Variants in PCCA observed in about 807,000 individuals in gnomAD.
PCCA encodes the protein propionyl-CoA carboxylase subunit alpha.
PCCA carries 74 observed loss-of-function variants against 101.3 expected under a neutral mutation model. That is an observed-to-expected ratio of 0.73 (90% CI 0.61 to 0.89). The LOEUF is 0.89. Among genes scored for constraint, PCCA ranks in the 40% least tolerant of loss-of-function variants. The pLI is 0.00. For synonymous variants in PCCA, 294 were observed against 313.6 expected (o/e 0.94, Z 0.66); for missense variants, 891 against 907.0 (o/e 0.98, Z 0.23).
intron 2 of PCCA, among the ~76,000 whole-genome samples, chr13:100,103,766 G>C (rs1206058360): frequency 1.3e-5 from 2 of 151,942 alleles, no homozygotes; most frequent in Admixed American, 1.3e-4. Context: ...CTCCTGAGTA[G>C]CTGGGATTAC....
At chr13:100,373,302 G>A (rs1157594726) in intron 19 of PCCA, among the ~76,000 whole-genome samples, 2 of 152,148 alleles carry the variant, frequency 1.3e-5, no homozygotes, top group African/African-American at 4.8e-5. Context: ...GTGAGGGTGT[G>A]GAGAAGCTGG....
chr13:100,216,212 A>G (rs1167277183), intron 7 of PCCA, among the ~76,000 whole-genome samples: 3 of 152,104 alleles, frequency 2.0e-5, no homozygotes, highest in Non-Finnish European at 2.9e-5. Flanking sequence ...AGGACAAGTC[A>G]TGTTGCTATC....
At chr13:100,236,046 A>G (rs997596657) in intron 8 of PCCA, among the ~76,000 whole-genome samples, 168 bp downstream of exon 8, 5 of 152,220 alleles carry the variant, frequency 3.3e-5, no homozygotes, top group African/African-American at 1.2e-4. Flanking sequence ...AAATTCTATT[A>G]TTAAAGGAGA....
chr13:100,340,373 G>A (rs1419386724), intron 18 of PCCA, 114 bp downstream of exon 18: 1 of 717,568 alleles, frequency 1.4e-6, no homozygotes, highest in Admixed American at 2.0e-5. Flanking sequence ...GATCTTATGG[G>A]TCTTTGGAGA....
At chr13:100,507,444 G>A (rs1386494029) in intron 21 of PCCA, among the ~76,000 whole-genome samples, 1 of 152,096 alleles carries the variant, frequency 6.6e-6, no homozygotes, top group Non-Finnish European at 1.5e-5. Flanking sequence ...GGACTTCTCA[G>A]TGCCCTCCTG....
intron 20 of PCCA, among the ~76,000 whole-genome samples, chr13:100,436,610 C>G (rs898376034): frequency 6.6e-6 from 1 of 152,152 alleles, no homozygotes; most frequent in Non-Finnish European, 1.5e-5. Flanking sequence ...GCCTCCAGAC[C>G]CTATTCTCCT....
chr13:100,197,743 T>C (rs2058208967), intron 6 of PCCA, among the ~76,000 whole-genome samples: 1 of 152,166 alleles, frequency 6.6e-6, no homozygotes, highest in African/African-American at 2.4e-5. Flanking sequence ...TTAATGATTA[T>C]TGTTTAAAGT....
At chr13:100,192,642 G>C (rs942184021) in intron 6 of PCCA, among the ~76,000 whole-genome samples, 1 of 152,164 alleles carries the variant, frequency 6.6e-6, no homozygotes, top group African/African-American at 2.4e-5. Context: ...GGGAGGCAGA[G>C]GTTGCAGTGA....
intron 6 of PCCA, among the ~76,000 whole-genome samples, chr13:100,158,014 A>C (rs531151685): frequency 3.6e-4 from 55 of 152,238 alleles, no homozygotes; most frequent in Non-Finnish European, 7.1e-4. Context: ...ATGCATCATT[A>C]GGCGAGTTCA....
chr13:100,113,037 A>G (rs2048466799), intron 4 of PCCA, among the ~76,000 whole-genome samples: 1 of 152,202 alleles, frequency 6.6e-6, no homozygotes, highest in South Asian at 2.1e-4. Context: ...TGATAATGGG[A>G]CCCTTTGGTA....
chr13:100,530,194 C>G lies in PCCA; in HGVS notation c.*28C>G. The G allele has an allele frequency of 6.4e-7, 1 of 1,555,122 alleles. No individual in the cohort carries two copies. Among genetic ancestry groups the G allele is most frequent in the Non-Finnish European group, 8.9e-7 (1 of 1,126,476 alleles). ...GATTTATAACCTTTCAGTCATCACCCAATTTAATTAGCCATTTGCATGATG... is the reference window on the plus strand; with the variant it reads ...GATTTATAACCTTTCAGTCATCACCGAATTTAATTAGCCATTTGCATGATG... On this transcript the variant is annotated 3_prime_UTR_variant, in exon 24 of 24. Transcript: ENST00000376285.
chr13:100,353,705 C>T (rs1482365371), intron 18 of PCCA, among the ~76,000 whole-genome samples: 2 of 152,252 alleles, frequency 1.3e-5, no homozygotes, highest in Admixed American at 1.3e-4. Flanking sequence ...GTAATCCTAG[C>T]ACTTTGGGAG....
At chr13:100,318,889 A>T (rs1187812824) in intron 16 of PCCA, among the ~76,000 whole-genome samples, 1 of 152,202 alleles carries the variant, frequency 6.6e-6, no homozygotes. Context: ...TTCTAGTTCT[A>T]GATCCTTGAA....
intron 17 of PCCA, among the ~76,000 whole-genome samples, chr13:100,339,940 T>C (rs180945033): frequency 1.2e-4 from 18 of 152,344 alleles, no homozygotes; most frequent in Admixed American, 1.1e-3. Context: ...ATTAAACTTC[T>C]TTCCCAATAT....
chr13:100,484,195 C>T (rs1313119075), intron 21 of PCCA, among the ~76,000 whole-genome samples: 1 of 152,074 alleles, frequency 6.6e-6, no homozygotes, highest in African/African-American at 2.4e-5. Context: ...TAGCTCATAT[C>T]CGGTCCTCTG....
intron 21 of PCCA, among the ~76,000 whole-genome samples, chr13:100,460,160 T>A (rs2082074297): frequency 6.6e-6 from 1 of 152,250 alleles, no homozygotes; most frequent in African/African-American, 2.4e-5. Flanking sequence ...TTTGTTTGCA[T>A]GTTTTGGTGA....
intron 10 of PCCA, among the ~76,000 whole-genome samples, chr13:100,268,106 T>C (rs1433971433): frequency 6.6e-6 from 1 of 152,226 alleles, no homozygotes; most frequent in Non-Finnish European, 1.5e-5. Context: ...TTTCAGCTTT[T>C]GGAGCATTTT....
intron 21 of PCCA, among the ~76,000 whole-genome samples, chr13:100,453,709 A>G (rs1027514277): frequency 1.3e-5 from 2 of 151,954 alleles, no homozygotes; most frequent in East Asian, 1.9e-4. Flanking sequence ...GTGCCCTTCA[A>G]TTTCACTCCC....
In PCCA at chr13:100,408,976, G is replaced by A. The variant is rs73560955; in HGVS notation, c.1747-16657G>A. Among the ~76,000 whole-genome samples the A allele has an allele frequency of 9.8e-3, 1,491 of 152,290 alleles. 22 individuals carry two copies. The highest frequency in any genetic ancestry group is 0.033 in the African/African-American group (1,359 of 41,542). On this transcript the variant is annotated intron_variant, in intron 19 of 23. Coordinates refer to ENST00000376285, the MANE Select transcript of PCCA (RefSeq NM_000282.4). ...GGAGAGAAGCTTAAGCTTAATTACTGTCCGATGGAGTTGAAACCCTTGGCT... is the reference window on the plus strand; with the variant it reads ...GGAGAGAAGCTTAAGCTTAATTACTATCCGATGGAGTTGAAACCCTTGGCT...
Sources: gnomAD v4.1 joint callset for allele counts (sites outside exome capture counted in the v4.1 genomes callset) on GRCh38, gnomAD v4.1.1 for gene constraint, MANE v1.5 for transcripts, NCBI Gene and HGNC (gene_info 2026-07-23, HGNC 2026-07-21) for gene names.